The following FBXO31 variants were observed in gnomAD, a reference collection of about 807,000 sequenced individuals.
FBXO31 encodes F-box protein 31, also known as F-box only protein 31.
A neutral mutation model predicts 54.4 loss-of-function variants in FBXO31; 24 were observed. The ratio of observed to expected loss-of-function variants is 0.44; its 90% CI spans 0.32 to 0.62. The LOEUF is 0.62. Ranked by LOEUF, FBXO31 falls within the 20% of genes least tolerant of loss-of-function variation. The pLI, the probability that FBXO31 is intolerant of heterozygous loss-of-function variation, is 0.05. For synonymous variants in FBXO31, 388 were observed against 335.6 expected (o/e 1.16, Z -1.71); for missense variants, 665 against 787.1 (o/e 0.84, Z 1.86).
chr16:87,355,141 T>C (rs1385434148), intron 2 of FBXO31, among the ~76,000 whole-genome samples: 2 of 152,260 alleles, frequency 1.3e-5, no homozygotes, highest in South Asian at 2.1e-4. Context: ...AAGGATTGCT[T>C]GAAGCCAGGA....
intron 1 of FBXO31, among the ~76,000 whole-genome samples, chr16:87,381,742 C>G (rs1245916115): frequency 6.6e-6 from 1 of 152,184 alleles, no homozygotes; most frequent in Non-Finnish European, 1.5e-5. Context: ...CTGCACCCTA[C>G]CAGCCAGCGT....
At position 87,338,074 on chromosome 16, in the gene FBXO31, C is replaced by T. The variant is rs930323765; in HGVS notation, c.733-1810G>A. On this transcript the variant is annotated intron_variant, in intron 5 of 8. Transcript: ENST00000311635. The surrounding 1 kb of genome is among the most constrained non-coding windows in gnomAD (Gnocchi z 4.3). ...ACCGCTGTGAGTACTGCGACTTCAA[C>T]TTGACACCATCAGGAAGATGAGCAT... Among the ~76,000 whole-genome samples the T allele has an allele frequency of 1.3e-5, 2 of 152,154 alleles. No homozygotes were observed. Among genetic ancestry groups the T allele is most frequent in the African/African-American group, 2.4e-5 (1 of 41,424 alleles).
chr16:87,383,805 C>A, upstream of FBXO31: 1 of 1,125,866 alleles, frequency 8.9e-7, no homozygotes, highest in Non-Finnish European at 1.1e-6. This position sits in a 1 kb window ranked among gnomAD's most constrained non-coding sequence, Gnocchi z 4.9. Flanking sequence ...CCCCGCCCCG[C>A]CAGCGCCGAG....
rs182229158 is a variant in FBXO31, at chr16:87,373,737, C to A, written c.340+9668G>T. Among the ~76,000 whole-genome samples the A allele has an allele frequency of 1.8e-3, 270 of 152,288 alleles. 1 individual carries two copies. The highest frequency in any genetic ancestry group is 6.1e-3 in the African/African-American group (252 of 41,558). Reference sequence around the variant, plus strand: ...CACTAACTTGTCCCTTTCACTTCTTCCCGAGATGACCCCTCCAGTTTCAGC... The same window carrying A: ...CACTAACTTGTCCCTTTCACTTCTTACCGAGATGACCCCTCCAGTTTCAGC... On this transcript the variant is annotated intron_variant, in intron 1 of 8. Coordinates refer to ENST00000311635, the MANE Select transcript of FBXO31 (RefSeq NM_024735.5).
upstream of FBXO31, among the ~76,000 whole-genome samples, chr16:87,386,681 A>T (rs1039012564): frequency 6.6e-6 from 1 of 152,040 alleles, no homozygotes; most frequent in South Asian, 2.1e-4. Flanking sequence ...CGATCCACCC[A>T]CCTCGGCATC....
At position 87,331,483 on chromosome 16, in the gene FBXO31, G is replaced by C. The variant is rs1159545886; in HGVS notation, c.1425C>G (p.Gly475=). The C allele has an allele frequency of 9.3e-6, 15 of 1,610,950 alleles. No homozygotes were observed. The highest frequency in any genetic ancestry group is 1.3e-5 in the Non-Finnish European group (15 of 1,178,110). The change falls in exon 9 of 9, where the codon GGC becomes GGG. Residue 475 remains glycine (G), a synonymous_variant. Coordinates refer to ENST00000311635, the MANE Select transcript of FBXO31 (RefSeq NM_024735.5). ...TGCGTTCAGGGCTGGTGAAGCCGTG[G>C]CCCGCGATGAGGCCTGTGCCATAAA... is the stretch of plus-strand genomic sequence containing the variant. ...MCFYGTGLIA[G]HGFTSPERTP...
chr16:87,348,082 C>T (rs924548882), intron 2 of FBXO31, among the ~76,000 whole-genome samples: 1 of 152,172 alleles, frequency 6.6e-6, no homozygotes, highest in Non-Finnish European at 1.5e-5. Context: ...GGCCTTCACC[C>T]CATGGGGTAT....
chr16:87,344,497 G>C (rs1348621120), intron 3 of FBXO31, among the ~76,000 whole-genome samples: 1 of 152,228 alleles, frequency 6.6e-6, no homozygotes, highest in East Asian at 1.9e-4. Context: ...GGGAGAGCTG[G>C]GACCCATGAG....
chr16:87,390,826 G>T (rs1207192783), upstream of FBXO31, among the ~76,000 whole-genome samples: 1 of 151,952 alleles, frequency 6.6e-6, no homozygotes, highest in Non-Finnish European at 1.5e-5. Context: ...CAAACTCCTG[G>T]GCTCAAGCGA....
At chr16:87,372,614 G>A (rs1461619104) in intron 1 of FBXO31, among the ~76,000 whole-genome samples, 5 of 152,168 alleles carry the variant, frequency 3.3e-5, no homozygotes, top group African/African-American at 1.2e-4. Context: ...AGGCTGGAGT[G>A]CAGTGGTAAG....
chr16:87,343,023 C>T, intron 4 of FBXO31, 72 bp from the exon 5 acceptor site: 4 of 1,345,564 alleles, frequency 3.0e-6, no homozygotes, highest in Non-Finnish European at 4.1e-6. Context: ...CCACCCCAGG[C>T]AGGTGGCCAC....
At chr16:87,387,163 G>T (rs750956), upstream of FBXO31, among the ~76,000 whole-genome samples, 3 of 151,808 alleles carry the variant, frequency 2.0e-5, no homozygotes, top group Admixed American at 6.6e-5. Context: ...AAGAATGACC[G>T]TGAGCGCTTC....
Position 87,383,641 on chromosome 16 carries a change from G to A in FBXO31, c.104C>T (p.Pro35Leu). Residue 35 changes from proline (P) to leucine (L), a missense_variant, in exon 1 of 9, where the codon CCG becomes CTG. By Grantham distance (98) the Pro-to-Leu change is moderately conservative. Transcript: ENST00000311635. This position sits in a 1 kb window ranked among gnomAD's most constrained non-coding sequence, Gnocchi z 4.9. ...PAETAAADSE[P>L]DTDPEEERIE... ...GCGCTCCTCCTCGGGGTCTGTGTCCGGCTCGCTGTCGGCCGCCGCCGTCTC... is the reference window on the plus strand; with the variant it reads ...GCGCTCCTCCTCGGGGTCTGTGTCCAGCTCGCTGTCGGCCGCCGCCGTCTC... 1 of 1,360,436 alleles carries A rather than the reference G, an allele frequency of 7.4e-7. No homozygotes were observed. Among genetic ancestry groups the A allele is most frequent in the Non-Finnish European group, 9.4e-7 (1 of 1,059,954 alleles). 84.3% of individuals were successfully genotyped at this position (1,360,436 alleles called of 1,614,324 possible).
At chr16:87,343,094 G>A (rs1010352348) in intron 4 of FBXO31, 143 bp from the exon 5 acceptor site, 38 of 644,006 alleles carry the variant, frequency 5.9e-5, no homozygotes, top group Admixed American at 2.1e-4. Flanking sequence ...CGACCAACGC[G>A]GTGCCAGCGG....
intron 1 of FBXO31, among the ~76,000 whole-genome samples, chr16:87,376,152 C>T (rs1170057926): frequency 6.6e-6 from 1 of 152,194 alleles, no homozygotes; most frequent in African/African-American, 2.4e-5. Flanking sequence ...CACCCACATC[C>T]TAAAGTCAGT....
chr16:87,379,591 C>T (rs1906983462), intron 1 of FBXO31, among the ~76,000 whole-genome samples: 2 of 152,154 alleles, frequency 1.3e-5, no homozygotes, highest in African/African-American at 4.8e-5. Flanking sequence ...TGCTCTCTGG[C>T]CACTAAAGCC....
At chr16:87,387,837 T>A (rs546656838), upstream of FBXO31, among the ~76,000 whole-genome samples, 5 of 152,262 alleles carry the variant, frequency 3.3e-5, no homozygotes, top group African/African-American at 1.2e-4. Context: ...GAAAGCCACG[T>A]TAACTGTATC....
Position 87,383,729 on chromosome 16 carries a change from G to A in FBXO31, c.16C>T (p.Arg6Cys), listed in dbSNP as rs1379531665. Residue 6 changes from arginine (R) to cysteine (C), a missense_variant, in exon 1 of 9, where the codon CGC becomes TGC. Physicochemically the swap from Arg to Cys is radical, Grantham distance 180 (BLOSUM62 -3). Around this residue, in one of 4 missense-constraint regions of FBXO31, gnomAD observed 195 missense variants for 174.8 expected, o/e 1.12. Transcript: ENST00000311635. This position sits in a 1 kb window ranked among gnomAD's most constrained non-coding sequence, Gnocchi z 4.9. Reference protein sequence around the residue: MAVCARLCGVGPSRGC... With the variant: MAVCACLCGVGPSRGC... ...CGCGACGGGCCCACGCCGCAAAGGC[G>A]AGCACACACCGCCATGCCGCCCAGT... 2.4e-6 allele frequency: 3 copies of A among 1,231,880 alleles called. No homozygotes were observed. Among genetic ancestry groups the A allele is most frequent in the Non-Finnish European group, 3.0e-6 (3 of 991,108 alleles). 76.3% of individuals were successfully genotyped at this position (1,231,880 alleles called of 1,614,324 possible). A position where few individuals can be genotyped will look rare whatever the true frequency, so the allele number is the denominator to read the frequency against.
intron 3 of FBXO31, among the ~76,000 whole-genome samples, chr16:87,344,294 C>A (rs1184001662): frequency 6.6e-6 from 1 of 152,216 alleles, no homozygotes; most frequent in Non-Finnish European, 1.5e-5. Flanking sequence ...AACCGAAGTG[C>A]AGGGGAGGAG....
Sources: gnomAD v4.1 joint callset for allele counts (sites outside exome capture counted in the v4.1 genomes callset) on GRCh38, gnomAD v4.1.1 for gene constraint, gnomAD v4.1.1 regional missense constraint, Gnocchi (gnomAD v3.1) non-coding constraint, MANE v1.5 for transcripts, NCBI Gene and HGNC (gene_info 2026-07-23, HGNC 2026-07-21) for gene names.